AUTS2: variants seen among roughly 807,000 people sequenced by gnomAD.
AUTS2 encodes the protein autism susceptibility gene 2 protein.
In AUTS2, 17 loss-of-function variants were observed where a neutral mutation model predicts 112.4. The ratio of observed to expected loss-of-function variants is 0.15; its 90% CI spans 0.10 to 0.23. The LOEUF is 0.23. Among genes scored for constraint, AUTS2 ranks in the 10% least tolerant of loss-of-function variants. AUTS2 has a pLI of 1.00. For missense variants in AUTS2, 1,510 were observed against 1,701.6 expected, an observed-to-expected ratio of 0.89 and a Z score of 1.98; for synonymous variants, 751 against 702.7, an observed-to-expected ratio of 1.07 and a Z score of -1.09.
chr7:70,582,663 T>C (rs996486842), intron 5 of AUTS2, among the ~76,000 whole-genome samples: 3 of 152,244 alleles, frequency 2.0e-5, no homozygotes, highest in Non-Finnish European at 4.4e-5. Context: ...GTTTTGTTAA[T>C]GAATTGCTGT....
chr7:70,217,418 A>G (rs1811226194), intron 4 of AUTS2, among the ~76,000 whole-genome samples: 1 of 152,214 alleles, frequency 6.6e-6, no homozygotes, highest in Non-Finnish European at 1.5e-5. Context: ...GAGAGAAAAA[A>G]TTAACTGAGA....
intron 5 of AUTS2, among the ~76,000 whole-genome samples, chr7:70,657,502 A>G (rs992712506): frequency 6.6e-6 from 1 of 152,220 alleles, no homozygotes; most frequent in Non-Finnish European, 1.5e-5. Context: ...GGAGGTAATA[A>G]TATCTGATTA....
At chr7:69,702,688 A>C (rs561059927) in intron 1 of AUTS2, among the ~76,000 whole-genome samples, 1 of 152,106 alleles carries the variant, frequency 6.6e-6, no homozygotes, top group African/African-American at 2.4e-5. Flanking sequence ...TCTTGTTAGA[A>C]ATGCAGATTT....
chr7:70,142,374 T>G (rs1327849844), intron 4 of AUTS2, among the ~76,000 whole-genome samples: 1 of 152,214 alleles, frequency 6.6e-6, no homozygotes, highest in Non-Finnish European at 1.5e-5. Flanking sequence ...CAACTAGATG[T>G]CTGCCATGTG....
chr7:70,208,911 G>A lies in AUTS2; in HGVS notation c.660+74340G>A, dbSNP rs183443740. Among the ~76,000 whole-genome samples the A allele has an allele frequency of 5.1e-4, 77 of 152,182 alleles. 2 individuals are homozygous for A. The highest frequency in any genetic ancestry group is 3.4e-3 in the Middle Eastern group (1 of 294). ...CAAGAGAGGAGAGATAAAGGAAGAT[G>A]AGTCATGCAGAGCCTTTTGAAGGCT... On this transcript the variant is annotated intron_variant, in intron 4 of 18. Transcript: ENST00000342771.
At chr7:70,421,336 A>G (rs1795212975) in intron 4 of AUTS2, among the ~76,000 whole-genome samples, 1 of 150,462 alleles carries the variant, frequency 6.6e-6, no homozygotes, top group Admixed American at 6.7e-5. Flanking sequence ...TACAGTGCAG[A>G]GTAAAAACTA....
At chr7:70,755,407 G>A (rs1302013872) in intron 6 of AUTS2, among the ~76,000 whole-genome samples, 1 of 152,152 alleles carries the variant, frequency 6.6e-6, no homozygotes, top group Non-Finnish European at 1.5e-5. Context: ...GCTCACGCCT[G>A]TAATCCCAGC....
chr7:70,238,373 C>A (rs1317553341), intron 4 of AUTS2, among the ~76,000 whole-genome samples: 1 of 152,202 alleles, frequency 6.6e-6, no homozygotes, highest in East Asian at 1.9e-4. Context: ...GGCCTTTTGA[C>A]AGGACCAACA....
chr7:70,123,546 T>C (rs920550656), intron 3 of AUTS2, among the ~76,000 whole-genome samples: 1 of 152,158 alleles, frequency 6.6e-6, no homozygotes, highest in African/African-American at 2.4e-5. Flanking sequence ...TTTCCCTCTC[T>C]GTGTTCATAA....
intron 1 of AUTS2, among the ~76,000 whole-genome samples, chr7:69,835,157 C>T (rs1791667252): frequency 1.3e-5 from 2 of 151,848 alleles, no homozygotes; most frequent in African/African-American, 2.4e-5. Flanking sequence ...TCTAGAATCT[C>T]ACTAATTTCT....
chr7:70,506,823 A>G (rs749628054), intron 5 of AUTS2, among the ~76,000 whole-genome samples: 50 of 152,180 alleles, frequency 3.3e-4, no homozygotes, highest in Admixed American at 7.2e-4. Flanking sequence ...ATATGGGGGA[A>G]ATTAATGCAG....
At chr7:70,503,497 A>G (rs528855193) in intron 5 of AUTS2, among the ~76,000 whole-genome samples, 23 of 149,024 alleles carry the variant, frequency 1.5e-4, no homozygotes, top group African/African-American at 5.4e-4. Flanking sequence ...TCCTGGGAAC[A>G]GAGCAAGACT....
intron 2 of AUTS2, among the ~76,000 whole-genome samples, chr7:70,094,542 A>G (rs1453313156): frequency 2.0e-5 from 3 of 152,202 alleles, no homozygotes; most frequent in Non-Finnish European, 4.4e-5. Context: ...AGGCATCCCA[A>G]TGCGAGTAGT....
chr7:70,496,467 A>G (rs2116532518), intron 5 of AUTS2, among the ~76,000 whole-genome samples: 1 of 129,820 alleles, frequency 7.7e-6, no homozygotes, highest in Non-Finnish European at 1.6e-5. Flanking sequence ...GTACACAGTC[A>G]CACACACACA....
intron 2 of AUTS2, among the ~76,000 whole-genome samples, chr7:70,026,120 G>A (rs184904613): frequency 6.6e-6 from 1 of 152,308 alleles, no homozygotes; most frequent in African/African-American, 2.4e-5. Context: ...GCAGCTGCAG[G>A]TCTGGCTCCA....
chr7:69,937,274 G>A lies in AUTS2; in HGVS notation c.522+37776G>A, dbSNP rs558514511. ...AACCACTTTGGCCACAGATAAGAGTGTTAAGAGATTAAGAAGTAGATTTAT... is the reference window on the plus strand; with the variant it reads ...AACCACTTTGGCCACAGATAAGAGTATTAAGAGATTAAGAAGTAGATTTAT... On this transcript the variant is annotated intron_variant, in intron 2 of 18. Coordinates refer to ENST00000342771, the MANE Select transcript of AUTS2 (RefSeq NM_015570.4). Among the ~76,000 whole-genome samples the A allele has an allele frequency of 1.1e-4, 17 of 152,352 alleles. No homozygotes were observed. In the East Asian group the frequency reaches 2.3e-3, roughly 21 times the overall value.
At chr7:70,035,787 C>G (rs777955703) in intron 2 of AUTS2, among the ~76,000 whole-genome samples, 1 of 152,182 alleles carries the variant, frequency 6.6e-6, no homozygotes, top group African/African-American at 2.4e-5. Context: ...TCTTACCACA[C>G]TCTTGTCTTT....
intron 13 of AUTS2, among the ~76,000 whole-genome samples, chr7:70,776,269 A>G (rs903576398): frequency 6.6e-6 from 1 of 152,196 alleles, no homozygotes; most frequent in South Asian, 2.1e-4. Flanking sequence ...CTGAGCGCGC[A>G]CGCCGAGCTT....
chr7:70,072,206 C>CT (rs1262203066), intron 2 of AUTS2, among the ~76,000 whole-genome samples: 3 of 152,264 alleles, frequency 2.0e-5, no homozygotes, highest in Admixed American at 6.5e-5. Flanking sequence ...CCCCTCCTTT[C>CT]TTATTATAGC....
Sources: gnomAD v4.1 joint callset for allele counts (sites outside exome capture counted in the v4.1 genomes callset) on GRCh38, gnomAD v4.1.1 for gene constraint, MANE v1.5 for transcripts, NCBI Gene and HGNC (gene_info 2026-07-23, HGNC 2026-07-21) for gene names.